CSGALNACT1: variants seen among roughly 807,000 people sequenced by gnomAD.
CSGALNACT1 encodes chondroitin sulfate N-acetylgalactosaminyltransferase 1, also known as beta4GalNAcT-1.
A neutral mutation model predicts 51.0 loss-of-function variants in CSGALNACT1; 52 were observed. The ratio of observed to expected loss-of-function variants is 1.02; its 90% CI spans 0.82 to 1.29. The LOEUF is 1.29. Ranked by LOEUF, CSGALNACT1 falls within the 50% of genes most tolerant of loss-of-function variation. The pLI is 0.00. For synonymous variants in CSGALNACT1, 341 were observed against 254.4 expected (o/e 1.34, Z -3.24); for missense variants, 935 against 679.2 (o/e 1.38, Z -4.19).
At chr8:19,505,931 T>C (rs1452133524) in exon 4 of CSGALNACT1, 2 of 1,497,610 alleles carry the variant, frequency 1.3e-6, no homozygotes, top group African/African-American at 2.7e-5. Flanking sequence ...AAGCATGCGT[T>C]TGGGGCCCCC....
At chr8:19,468,527 G>A (rs1195601817) in intron 4 of CSGALNACT1, among the ~76,000 whole-genome samples, 2 of 152,112 alleles carry the variant, frequency 1.3e-5, no homozygotes, top group Non-Finnish European at 2.9e-5. Context: ...GCAGTGTGGG[G>A]CGCAGGTGGA....
chr8:19,678,425 T>G (rs553318129), intron 1 of CSGALNACT1: 19 of 152,314 alleles, frequency 1.2e-4, no homozygotes, highest in African/African-American at 4.6e-4. Context: ...GAAGGGTAAC[T>G]ATTACAGAAA....
chr8:19,515,153 C>G (rs1024085679), intron 3 of CSGALNACT1, among the ~76,000 whole-genome samples: 1 of 152,114 alleles, frequency 6.6e-6, no homozygotes, highest in Admixed American at 6.5e-5. Flanking sequence ...CTGTCTCTAT[C>G]TCAGGTCCCT....
intron 3 of CSGALNACT1, among the ~76,000 whole-genome samples, chr8:19,518,193 G>C (rs970432348): frequency 6.6e-6 from 1 of 152,214 alleles, no homozygotes; most frequent in Non-Finnish European, 1.5e-5. Flanking sequence ...GGGTATGGGA[G>C]TCCTCAGTAA....
Position 19,457,666 on chromosome 8 carries a change from G to A in CSGALNACT1, c.851+760C>T. ...ATCTTTCAAGATTTATAATTAGACA[G>A]TAGGATTTTCTATGTTTAAAACAAG... is the stretch of plus-strand genomic sequence containing the variant. On this transcript the variant is annotated intron_variant, in intron 5 of 9. Coordinates refer to ENST00000454498, the Ensembl canonical transcript of CSGALNACT1. 3.1e-6 allele frequency: 4 copies of A among 1,293,428 alleles called. No homozygotes were observed. In the African/African-American group the frequency reaches 6.1e-5, roughly 20 times the overall value. The allele number at this position is 1,293,428 out of a possible 1,614,324, so 80.1% of individuals were successfully genotyped here.
intron 4 of CSGALNACT1, among the ~76,000 whole-genome samples, chr8:19,501,526 A>G (rs2076414944): frequency 6.6e-6 from 1 of 151,930 alleles, no homozygotes; most frequent in Non-Finnish European, 1.5e-5. Context: ...CATCTGACCC[A>G]CTCTCACCAC....
exon 3 of CSGALNACT1, chr8:19,591,202 CACT>C (rs2047746261): frequency 6.6e-6 from 1 of 152,260 alleles, no homozygotes; most frequent in South Asian, 2.1e-4. Flanking sequence ...GGATTGGTCT[CACT>C]ACTAGTGGAA....
At chr8:19,426,589 G>A (rs2058806774) in intron 6 of CSGALNACT1, among the ~76,000 whole-genome samples, 1 of 152,108 alleles carries the variant, frequency 6.6e-6, no homozygotes, top group Non-Finnish European at 1.5e-5. Context: ...CACATGATTT[G>A]CTTATAATTA....
intron 5 of CSGALNACT1, among the ~76,000 whole-genome samples, chr8:19,453,887 G>A (rs558501062): frequency 6.6e-6 from 1 of 152,236 alleles, no homozygotes; most frequent in South Asian, 2.1e-4. Flanking sequence ...ACTCCAGCCT[G>A]GGTGACAGAG....
chr8:19,727,038 A>G (rs2063436448), intron 1 of CSGALNACT1, among the ~76,000 whole-genome samples: 1 of 152,132 alleles, frequency 6.6e-6, no homozygotes, highest in Non-Finnish European at 1.5e-5. Context: ...CTCAAAATTC[A>G]AATCCCTGGG....
chr8:19,673,442 AC>A (rs1358093261), intron 1 of CSGALNACT1, among the ~76,000 whole-genome samples: 1 of 152,156 alleles, frequency 6.6e-6, no homozygotes, highest in Non-Finnish European at 1.5e-5. Context: ...GCAAACCAAG[AC>A]GGCAGGGATA....
chr8:19,530,340 G>T (rs970110807), intron 3 of CSGALNACT1, among the ~76,000 whole-genome samples: 1 of 148,770 alleles, frequency 6.7e-6, no homozygotes, highest in Non-Finnish European at 1.5e-5. Flanking sequence ...ACACACACAC[G>T]CACACAAGTA....
chr8:19,704,130 A>C (rs953352990), intron 1 of CSGALNACT1, among the ~76,000 whole-genome samples: 1 of 152,216 alleles, frequency 6.6e-6, no homozygotes, highest in Non-Finnish European at 1.5e-5. Flanking sequence ...TTACATAATT[A>C]CATGGATCAT....
chr8:19,584,385 G>C (rs796523957), intron 3 of CSGALNACT1, among the ~76,000 whole-genome samples: 54 of 151,812 alleles, frequency 3.6e-4, no homozygotes, highest in African/African-American at 1.2e-3. Flanking sequence ...ATGTCAAACT[G>C]GGCTGAAATA....
At chr8:19,669,583 C>A (rs145364797) in intron 1 of CSGALNACT1, among the ~76,000 whole-genome samples, 4 of 152,288 alleles carry the variant, frequency 2.6e-5, no homozygotes, top group African/African-American at 9.6e-5. Context: ...TCCTGAGTAG[C>A]TGGGATTAAT....
chr8:19,506,030 T>G (rs746656912), exon 4 of CSGALNACT1: 27 of 715,502 alleles, frequency 3.8e-5, no homozygotes, highest in Non-Finnish European at 6.0e-5. Context: ...TTTTAAAGGA[T>G]GATCTTGCAG....
chr8:19,720,123 C>T (rs1203445907), intron 1 of CSGALNACT1, among the ~76,000 whole-genome samples: 1 of 152,210 alleles, frequency 6.6e-6, no homozygotes, highest in African/African-American at 2.4e-5. Flanking sequence ...GCACTGGTGA[C>T]ATGGAAGAGC....
chr8:19,462,686 GTC>G (rs2065810538), intron 4 of CSGALNACT1, among the ~76,000 whole-genome samples: 1 of 152,118 alleles, frequency 6.6e-6, no homozygotes, highest in South Asian at 2.1e-4. Context: ...GCTGCTTTCT[GTC>G]TTCCACATAC....
At chr8:19,631,041 T>C (rs761016474) in intron 1 of CSGALNACT1, among the ~76,000 whole-genome samples, 4 of 152,232 alleles carry the variant, frequency 2.6e-5, no homozygotes, top group Non-Finnish European at 5.9e-5. Flanking sequence ...GTATCTAATG[T>C]TAGCACACTT....
Sources: allele counts gnomAD v4.1 joint callset (sites outside exome capture counted in the v4.1 genomes callset), GRCh38; gene constraint gnomAD v4.1.1; transcripts MANE v1.5; gene names NCBI Gene and HGNC (gene_info 2026-07-23, HGNC 2026-07-21).